PTPRD: variants seen among roughly 807,000 people sequenced by gnomAD.
PTPRD encodes receptor-type tyrosine-protein phosphatase delta.
In PTPRD, 34 loss-of-function variants were observed where a neutral mutation model predicts 214.5. The observed-to-expected ratio is 0.16, with a 90% CI of 0.12 to 0.21. PTPRD has a LOEUF of 0.21. Ranked by LOEUF, PTPRD falls within the 10% of genes least tolerant of loss-of-function variation. The probability of loss-of-function intolerance (pLI) is 1.00; values close to 1 mark genes in which losing one functional copy is unlikely to be tolerated. For synonymous variants in PTPRD, 1,128 were observed against 845.7 expected (o/e 1.33, Z -5.79); for missense variants, 2,545 against 2,398.7 (o/e 1.06, Z -1.27).
intron 10 of PTPRD, among the ~76,000 whole-genome samples, chr9:9,093,803 A>T (rs921913807): frequency 6.6e-6 from 1 of 151,774 alleles, no homozygotes. Flanking sequence ...AAGAGCAAGC[A>T]GAAGGAAGAA....
intron 3 of PTPRD, among the ~76,000 whole-genome samples, chr9:10,165,011 C>T (rs1006998579): frequency 5.9e-5 from 9 of 151,560 alleles, no homozygotes; most frequent in African/African-American, 1.7e-4. Context: ...AAGAAAATTG[C>T]CTCATCTTTG....
intron 4 of PTPRD, among the ~76,000 whole-genome samples, chr9:10,018,689 AGGCGCCCGCCACTACGCCC>A (rs2096778728): frequency 1.4e-5 from 2 of 147,850 alleles, no homozygotes; most frequent in Admixed American, 6.7e-5. Flanking sequence ...CTGGGACTAC[AGGCGCCCGCCACTACGCCC>A]GGCTAATTTT....
Position 10,016,197 on chromosome 9 carries a change from CAAG to C in PTPRD, c.-472+17518_-472+17520del, listed in dbSNP as rs536419179. 4.6e-5 allele frequency among the ~76,000 whole-genome samples: 7 copies of C among 152,180 alleles called. No individual in the cohort carries two copies. In the East Asian group the frequency reaches 1.4e-3, roughly 29 times the overall value. On this transcript the variant is annotated intron_variant, in intron 4 of 45. Transcript: ENST00000381196. ...TACATTTGTTATTTCTTCTTTTCGG[CAAG>C]TATTAGAAAAATGCTTGTTTTTAAA...
At chr9:8,375,263 T>A (rs952667013) in intron 39 of PTPRD, among the ~76,000 whole-genome samples, 8 of 151,896 alleles carry the variant, frequency 5.3e-5, no homozygotes, top group South Asian at 2.1e-4. Flanking sequence ...CTATAAACAT[T>A]TATATATATC....
At chr9:8,978,331 A>G (rs1054822015) in intron 11 of PTPRD, among the ~76,000 whole-genome samples, 1 of 152,086 alleles carries the variant, frequency 6.6e-6, no homozygotes, top group Non-Finnish European at 1.5e-5. Flanking sequence ...GTCCCTTATC[A>G]GTTCTGCTGG....
intron 3 of PTPRD, among the ~76,000 whole-genome samples, chr9:10,216,204 C>CA (rs2099540331): frequency 1.3e-5 from 2 of 151,630 alleles, no homozygotes; most frequent in African/African-American, 4.8e-5. Context: ...TATTCTGATT[C>CA]CTGAGGTTTT....
At chr9:9,067,088 A>G (rs1277782611) in intron 10 of PTPRD, among the ~76,000 whole-genome samples, 2 of 152,024 alleles carry the variant, frequency 1.3e-5, no homozygotes, top group Non-Finnish European at 2.9e-5. Context: ...ACTACAAATA[A>G]AAAAATTTAG....
chr9:10,511,805 C>G (rs1224447021), intron 2 of PTPRD, among the ~76,000 whole-genome samples: 1 of 148,796 alleles, frequency 6.7e-6, no homozygotes, highest in African/African-American at 2.5e-5. Flanking sequence ...GTCCTTTACT[C>G]AACTTCTCCA....
chr9:9,166,648 G>A (rs1438060543), intron 10 of PTPRD, among the ~76,000 whole-genome samples: 1 of 152,066 alleles, frequency 6.6e-6, no homozygotes, highest in Admixed American at 6.6e-5. Context: ...GACTACTTAG[G>A]CTTAGCTCAG....
rs73641851 is a variant in PTPRD, at chr9:10,099,767, T to C, written c.-544-65977A>G. Among the ~76,000 whole-genome samples, 4 of 151,644 alleles carry C rather than the reference T, an allele frequency of 2.6e-5. No individual in the cohort carries two copies. In the East Asian group the frequency reaches 5.9e-4, roughly 22 times the overall value. ...AGAGTGTGGAAGTGGAGCAAACTTA[T>C]CTTAAAGATTCAAGTTTACTAAATC... On this transcript the variant is annotated intron_variant, in intron 3 of 45. Coordinates refer to ENST00000381196, the MANE Select transcript of PTPRD (RefSeq NM_002839.4).
chr9:9,217,371 A>G (rs779797577), intron 9 of PTPRD, among the ~76,000 whole-genome samples: 17 of 152,276 alleles, frequency 1.1e-4, no homozygotes, highest in Middle Eastern at 3.4e-3. Flanking sequence ...ATAAGATTCA[A>G]TATTTCCCAG....
intron 3 of PTPRD, among the ~76,000 whole-genome samples, chr9:10,206,716 G>A (rs939952840): frequency 2.0e-5 from 3 of 152,040 alleles, no homozygotes; most frequent in African/African-American, 4.8e-5. Flanking sequence ...ATATCTAGAT[G>A]GTGTTATCCA....
intron 3 of PTPRD, among the ~76,000 whole-genome samples, chr9:10,210,708 G>A (rs1040017017): frequency 6.9e-6 from 1 of 145,374 alleles, no homozygotes; most frequent in African/African-American, 2.5e-5. Flanking sequence ...CATAATACAA[G>A]AAGTTGTTTG....
At chr9:10,391,373 T>C (rs2098061548) in intron 2 of PTPRD, among the ~76,000 whole-genome samples, 2 of 151,712 alleles carry the variant, frequency 1.3e-5, no homozygotes, top group African/African-American at 2.4e-5. Context: ...GGGCCTAATA[T>C]AATGTTTTTC....
rs541995431 is a variant in PTPRD at position 8,504,221 on chromosome 9, G to C, written c.1822+40C>G. ...TGAAAGCTAGCAACATCTCCCCGAG[G>C]AAATAAAAAGGCAGAAAGTAAGCAA... is the stretch of plus-strand genomic sequence containing the variant. On this transcript the variant is annotated intron_variant, in intron 23 of 45. Transcript: ENST00000381196. The C allele has an allele frequency of 3.1e-6, 5 of 1,609,520 alleles. No individual in the cohort carries two copies. In the Admixed American group the frequency reaches 8.3e-5, roughly 27 times the overall value.
At chr9:9,590,033 T>C (rs2092553873) in intron 7 of PTPRD, among the ~76,000 whole-genome samples, 1 of 152,060 alleles carries the variant, frequency 6.6e-6, no homozygotes, top group Non-Finnish European at 1.5e-5. Flanking sequence ...TATAAGAATG[T>C]AACTTCTTTT....
chr9:9,077,378 A>AAATGTTTCATAGATC (rs2099752840), intron 10 of PTPRD, among the ~76,000 whole-genome samples: 1 of 151,612 alleles, frequency 6.6e-6, no homozygotes, highest in Non-Finnish European at 1.5e-5. Flanking sequence ...CAGGTGACTG[A>AAATGTTTCATAGATC]AAATGTTATT....
chr9:8,653,247 C>T (rs985399484), intron 12 of PTPRD, among the ~76,000 whole-genome samples: 1 of 152,070 alleles, frequency 6.6e-6, no homozygotes, highest in Non-Finnish European at 1.5e-5. Context: ...TACTCCAATT[C>T]GCTACATAAA....
intron 11 of PTPRD, among the ~76,000 whole-genome samples, chr9:8,849,604 G>T (rs530448837): frequency 6.6e-6 from 1 of 152,126 alleles, no homozygotes; most frequent in Non-Finnish European, 1.5e-5. Context: ...AGAATAATAG[G>T]ATTTCAATGG....
Sources: gnomAD v4.1 joint callset for allele counts (sites outside exome capture counted in the v4.1 genomes callset) on GRCh38, gnomAD v4.1.1 for gene constraint, MANE v1.5 for transcripts, NCBI Gene and HGNC (gene_info 2026-07-23, HGNC 2026-07-21) for gene names.